Variants in MACROD1 observed in about 807,000 individuals in gnomAD.
MACROD1 encodes mono-ADP ribosylhydrolase 1.
Under a neutral mutation model 41.4 loss-of-function variants are expected in MACROD1, and 31 were observed. The ratio of observed to expected loss-of-function variants is 0.75; its 90% CI spans 0.56 to 1.01. MACROD1 has a LOEUF of 1.01. Ranked by LOEUF, MACROD1 falls within the 50% of genes least tolerant of loss-of-function variation. The probability of loss-of-function intolerance (pLI) is 0.00; values close to 1 mark genes in which losing one functional copy is unlikely to be tolerated. For missense variants in MACROD1, 473 were observed against 460.0 expected, an observed-to-expected ratio of 1.03 and a Z score of -0.26; for synonymous variants, 252 against 203.4, an observed-to-expected ratio of 1.24 and a Z score of -2.03.
At chr11:64,080,822 A>C (rs1289689851) in intron 3 of MACROD1, among the ~76,000 whole-genome samples, 1 of 151,818 alleles carries the variant, frequency 6.6e-6, no homozygotes, top group Non-Finnish European at 1.5e-5. Context: ...TGATGGGAGA[A>C]CTCTTGGGGT....
chr11:64,103,665 A>G (rs1476914398), intron 3 of MACROD1: 1 of 152,022 alleles, frequency 6.6e-6, no homozygotes, highest in African/African-American at 2.4e-5. Flanking sequence ...CGGGCTGCAG[A>G]CAAAAGGGCA....
intron 3 of MACROD1, among the ~76,000 whole-genome samples, chr11:64,023,301 C>T (rs940821591): frequency 5.3e-5 from 8 of 152,164 alleles, no homozygotes; most frequent in Non-Finnish European, 1.0e-4. Context: ...TATGCTTTGC[C>T]AGCCCTGGTC....
At chr11:64,154,227 C>A (rs2134713231) in intron 1 of MACROD1, among the ~76,000 whole-genome samples, 1 of 152,294 alleles carries the variant, frequency 6.6e-6, no homozygotes, top group South Asian at 2.1e-4. Context: ...TGCTCTCATT[C>A]CCCAAAGCCC....
chr11:64,113,873 T>TGGATGGAA (rs148072020), intron 3 of MACROD1, among the ~76,000 whole-genome samples: 67,851 of 134,968 alleles, frequency 0.5, 20,292 homozygotes, highest in Non-Finnish European at 0.66. Context: ...GATTGATACA[T>TGGATGGAA]GGATGGATGG....
intron 4 of MACROD1, among the ~76,000 whole-genome samples, chr11:64,012,877 C>T (rs1943034267): frequency 6.6e-6 from 1 of 151,752 alleles, no homozygotes; most frequent in African/African-American, 2.4e-5. Context: ...ACTCTGTCAC[C>T]CTGGCTGGAG....
Position 64,082,731 on chromosome 11 carries a change from TGA to T in MACROD1, c.518-67452_518-67451del, listed in dbSNP as rs1944326311. Reference sequence around the variant, plus strand: ...ACACAAGGAATGTGGAGCATCCTCCTGAGAGGACTCAGAGGGGATTCCTGGGC... The same window carrying T: ...ACACAAGGAATGTGGAGCATCCTCCTGAGGACTCAGAGGGGATTCCTGGGC... On this transcript the variant is annotated intron_variant, in intron 3 of 10. Coordinates refer to ENST00000255681, the MANE Select transcript of MACROD1 (RefSeq NM_014067.4). This position sits in a 1 kb window ranked among gnomAD's most constrained non-coding sequence, Gnocchi z 4.5. Among the ~76,000 whole-genome samples, 1 of 152,148 alleles carries T rather than the reference TGA, an allele frequency of 6.6e-6. No homozygotes were observed. Among genetic ancestry groups the T allele is most frequent in the African/African-American group, 2.4e-5 (1 of 41,418 alleles).
intron 3 of MACROD1, among the ~76,000 whole-genome samples, chr11:64,054,425 C>G (rs1331990211): frequency 5.3e-5 from 8 of 152,198 alleles, no homozygotes. Context: ...AAACACCGCA[C>G]TATAAATCCA....
At chr11:64,057,990 A>T (rs1943822499) in intron 3 of MACROD1, among the ~76,000 whole-genome samples, 1 of 152,208 alleles carries the variant, frequency 6.6e-6, no homozygotes, top group African/African-American at 2.4e-5. Context: ...CCTTGTGCTC[A>T]GCCTCCTGGG....
In MACROD1 at chr11:64,146,510, TG is replaced by T. The variant is rs1413058072; in HGVS notation, c.517+4728del. Among the ~76,000 whole-genome samples the T allele has an allele frequency of 6.6e-6, 1 of 152,152 alleles. No individual in the cohort carries two copies. The highest frequency in any genetic ancestry group is 1.5e-5 in the Non-Finnish European group (1 of 68,024). On this transcript the variant is annotated intron_variant, in intron 3 of 10. Coordinates refer to ENST00000255681, the MANE Select transcript of MACROD1 (RefSeq NM_014067.4). This position sits in a 1 kb window ranked among gnomAD's most constrained non-coding sequence, Gnocchi z 4.7. ...CTCTCCCGGGTGCTACCCAAGCAAG[TG>T]GCCTCAGCTGGCAGCCCACGGGGAC...
intron 4 of MACROD1, chr11:64,001,869 C>T (rs1942831661): frequency 1.5e-6 from 1 of 666,142 alleles, no homozygotes; most frequent in Non-Finnish European, 2.8e-6. Context: ...CGTGAGTTCA[C>T]ATCCTGGCTC....
intron 3 of MACROD1, among the ~76,000 whole-genome samples, chr11:64,078,881 G>A (rs1051679313): frequency 6.6e-6 from 1 of 152,352 alleles, no homozygotes; most frequent in East Asian, 1.9e-4. Context: ...AGGGGACAGC[G>A]AGAACTCAGA....
chr11:64,047,393 G>A lies in MACROD1; in HGVS notation c.518-32112C>T, dbSNP rs147454662. ...ACTGGGCCAAGGTCACCCAGCAATCGGAGGAGATAAAGCCAGGTCCATGCC... is the reference window on the plus strand; with the variant it reads ...ACTGGGCCAAGGTCACCCAGCAATCAGAGGAGATAAAGCCAGGTCCATGCC... On this transcript the variant is annotated intron_variant, in intron 3 of 10. Coordinates refer to ENST00000255681, the MANE Select transcript of MACROD1 (RefSeq NM_014067.4). Among the ~76,000 whole-genome samples the A allele has an allele frequency of 6.7e-3, 1,019 of 152,254 alleles. 15 individuals carry two copies. The highest frequency in any genetic ancestry group is 0.024 in the African/African-American group (977 of 41,540).
At chr11:64,094,348 T>C (rs920984716) in intron 3 of MACROD1, among the ~76,000 whole-genome samples, 1 of 151,838 alleles carries the variant, frequency 6.6e-6, no homozygotes, top group Non-Finnish European at 1.5e-5. Flanking sequence ...AGATAATTGC[T>C]TGAACCCAGG....
At chr11:64,112,056 C>A (rs1356939141) in intron 3 of MACROD1, among the ~76,000 whole-genome samples, 1 of 152,222 alleles carries the variant, frequency 6.6e-6, no homozygotes, top group Non-Finnish European at 1.5e-5. Context: ...GCCAGGGGAC[C>A]ATGGACAGGT....
chr11:64,057,550 C>T (rs1386268969), intron 3 of MACROD1, among the ~76,000 whole-genome samples: 1 of 152,226 alleles, frequency 6.6e-6, no homozygotes, highest in Non-Finnish European at 1.5e-5. Flanking sequence ...GCCCATTTTA[C>T]AGATGAGAGA....
intron 3 of MACROD1, among the ~76,000 whole-genome samples, chr11:64,089,136 G>A (rs1179553058): frequency 6.6e-6 from 1 of 152,200 alleles, no homozygotes; most frequent in Non-Finnish European, 1.5e-5. Context: ...CCAGGAGCCC[G>A]CTGGTGACCA....
At chr11:64,118,024 G>T in intron 3 of MACROD1, 2 of 1,613,624 alleles carry the variant, frequency 1.2e-6, no homozygotes, top group Non-Finnish European at 1.7e-6. Context: ...CTGCTGACCC[G>T]GGAGAGGGCC....
At chr11:64,165,557 G>A (rs1945827053) in intron 1 of MACROD1, 140 bp downstream of exon 1, 4 of 673,062 alleles carry the variant, frequency 5.9e-6, no homozygotes, top group African/African-American at 1.9e-5. Flanking sequence ...GGGAGGAGGG[G>A]TCCGTTCCAG....
rs778244935 is a variant in MACROD1 at position 64,165,730 on chromosome 11, G to A, written c.265C>T (p.Leu89=). Reference sequence around the variant, plus strand: ...TCCTTCCAGTCGGTGGAGGTGCTCAGGTCCACCTTCGCCGCCATGGCCAGG... The same window carrying A: ...TCCTTCCAGTCGGTGGAGGTGCTCAAGTCCACCTTCGCCGCCATGGCCAGG... ...APLAMAAKVD[L]STSTDWKEAK... The change falls in exon 1 of 11, where the codon CTG becomes TTG. Residue 89 remains leucine, a synonymous_variant. Transcript: ENST00000255681. 1.9e-5 allele frequency: 28 copies of A among 1,493,648 alleles called. No individual in the cohort carries two copies. The highest frequency in any genetic ancestry group is 2.4e-5 in the Non-Finnish European group (27 of 1,124,276). 92.5% of individuals were successfully genotyped at this position (1,493,648 alleles called of 1,614,324 possible).
Sources: gnomAD v4.1 joint callset for allele counts (sites outside exome capture counted in the v4.1 genomes callset) on GRCh38, gnomAD v4.1.1 for gene constraint, Gnocchi (gnomAD v3.1) non-coding constraint, MANE v1.5 for transcripts, NCBI Gene and HGNC (gene_info 2026-07-23, HGNC 2026-07-21) for gene names.